The following EPHA3 variants were observed in gnomAD, a reference collection of about 807,000 sequenced individuals.
EPHA3 encodes the protein EPH receptor A3, also known as ephrin type-A receptor 3.
EPHA3 carries 42 observed loss-of-function variants against 107.1 expected under a neutral mutation model. The observed-to-expected ratio is 0.39, with a 90% CI of 0.31 to 0.51. The LOEUF (loss-of-function observed/expected upper bound fraction) is 0.51, where lower values mean the gene tolerates loss of function less well. Ranked by LOEUF, EPHA3 falls within the 20% of genes least tolerant of loss-of-function variation. EPHA3 has a pLI of 0.78. For synonymous variants in EPHA3, 461 were observed against 424.8 expected (o/e 1.09, Z -1.05); for missense variants, 1,183 against 1,211.2 (o/e 0.98, Z 0.35).
intron 1 of EPHA3, among the ~76,000 whole-genome samples, chr3:89,111,897 T>C (rs1329683944): frequency 6.6e-6 from 1 of 152,146 alleles, no homozygotes; most frequent in Non-Finnish European, 1.5e-5. Context: ...CTCTTTTAGA[T>C]ATTACATCTT....
intron 5 of EPHA3, among the ~76,000 whole-genome samples, chr3:89,386,971 G>A (rs901518658): frequency 9.2e-5 from 14 of 152,128 alleles, no homozygotes; most frequent in African/African-American, 3.1e-4. Flanking sequence ...GCCAATGGCC[G>A]TACCCTCATC....
At chr3:89,119,549 CGT>C (rs1707332383) in intron 1 of EPHA3, among the ~76,000 whole-genome samples, 1 of 151,926 alleles carries the variant, frequency 6.6e-6, no homozygotes. Context: ...AGAGTTTGTT[CGT>C]GTGTGTGTGC....
At chr3:89,221,027 T>C (rs1270635043) in intron 3 of EPHA3, among the ~76,000 whole-genome samples, 1 of 152,168 alleles carries the variant, frequency 6.6e-6, no homozygotes, top group African/African-American at 2.4e-5. Context: ...AGGTCACAAT[T>C]AGTAAGTGGT....
At chr3:89,136,329 G>GTTTTTTTTTTTTTTTTTTTTTTTTTT (rs1559747476) in intron 2 of EPHA3, among the ~76,000 whole-genome samples, 2 of 23,866 alleles carry the variant, frequency 8.4e-5, no homozygotes, top group Non-Finnish European at 8.6e-5. Context: ...AATCTTACAG[G>GTTTTTTTTTTTTTTTTTTTTTTTTTT]CTTTTTTTTT....
chr3:89,272,788 T>C lies in EPHA3; in HGVS notation c.814+62268T>C, dbSNP rs565964428. Among the ~76,000 whole-genome samples the C allele has an allele frequency of 3.3e-5, 5 of 152,008 alleles. No individual in the cohort carries two copies. The South Asian group carries it at 1.0e-3, about 31-fold the overall frequency. The stretch of plus-strand genomic sequence containing the variant: ...AAGTAACTATGGAACACATGGAAAG[T>C]TGGAATATTATTGGGATAATGAAAG... On this transcript the variant is annotated intron_variant, in intron 3 of 16. Transcript: ENST00000336596.
chr3:89,175,647 T>G (rs530611911), intron 2 of EPHA3, among the ~76,000 whole-genome samples: 1 of 152,204 alleles, frequency 6.6e-6, no homozygotes, highest in Non-Finnish European at 1.5e-5. Flanking sequence ...GTTCAAAAAC[T>G]AATATTATTA....
intron 5 of EPHA3, among the ~76,000 whole-genome samples, chr3:89,390,752 A>G (rs527656107): frequency 3.0e-4 from 46 of 151,212 alleles, no homozygotes; most frequent in African/African-American, 1.1e-3. Context: ...GTTTCCAGAA[A>G]GTTATGTCTT....
intron 9 of EPHA3, among the ~76,000 whole-genome samples, chr3:89,409,041 G>T (rs936969445): frequency 3.3e-5 from 5 of 152,022 alleles, no homozygotes; most frequent in African/African-American, 1.2e-4. Context: ...TTGACTACCT[G>T]TTGCTAACCT....
intron 4 of EPHA3, 126 bp downstream of exon 4, chr3:89,341,197 C>A: frequency 1.0e-6 from 1 of 958,434 alleles, no homozygotes; most frequent in Non-Finnish European, 1.5e-6. Flanking sequence ...AAATTGAAAG[C>A]TTTCTCTGCT....
intron 3 of EPHA3, among the ~76,000 whole-genome samples, chr3:89,253,084 G>C (rs1371229241): frequency 1.3e-5 from 2 of 151,902 alleles, no homozygotes; most frequent in Non-Finnish European, 2.9e-5. Flanking sequence ...GAGGTGAAAC[G>C]CTGGTTAAAA....
chr3:89,267,002 GTCTAATGTTT>G (rs1176157701), intron 3 of EPHA3, among the ~76,000 whole-genome samples: 1 of 152,050 alleles, frequency 6.6e-6, no homozygotes, highest in Non-Finnish European at 1.5e-5. Flanking sequence ...AAATGAAATT[GTCTAATGTTT>G]TCTACCACTT....
intron 2 of EPHA3, among the ~76,000 whole-genome samples, chr3:89,128,551 A>G (rs1437937595): frequency 6.6e-6 from 1 of 152,058 alleles, no homozygotes; most frequent in African/African-American, 2.4e-5. Flanking sequence ...TAAATTTTTC[A>G]TGACTCCTTC....
At chr3:89,426,917 ATCTAGAATCAAACAGTC>A (rs1311229748) in intron 11 of EPHA3, among the ~76,000 whole-genome samples, 1 of 151,894 alleles carries the variant, frequency 6.6e-6, no homozygotes, top group Non-Finnish European at 1.5e-5. Context: ...CAGGCCAGGC[ATCTAGAATCAAACAGTC>A]TCTAGGGAAC....
At chr3:89,145,762 A>AT (rs549337404) in intron 2 of EPHA3, among the ~76,000 whole-genome samples, 42 of 150,908 alleles carry the variant, frequency 2.8e-4, no homozygotes, top group South Asian at 1.9e-3. Flanking sequence ...TTCCTGAGGA[A>AT]TTTTTTTTTC....
chr3:89,276,094 T>A (rs1267216845), intron 3 of EPHA3, among the ~76,000 whole-genome samples: 4 of 152,044 alleles, frequency 2.6e-5, no homozygotes, highest in Non-Finnish European at 5.9e-5. Flanking sequence ...CTTGCATTTT[T>A]AAAATAGATG....
intron 10 of EPHA3, among the ~76,000 whole-genome samples, chr3:89,415,175 C>A (rs1175462150): frequency 6.6e-6 from 1 of 151,182 alleles, no homozygotes; most frequent in Non-Finnish European, 1.5e-5. Flanking sequence ...ATTTGTTAAA[C>A]ATTTTGTTTT....
intron 5 of EPHA3, among the ~76,000 whole-genome samples, chr3:89,351,513 G>A (rs529056036): frequency 0.039 from 5,786 of 150,256 alleles, 386 homozygotes; most frequent in African/African-American, 0.13. Flanking sequence ...TGCGCCCACT[G>A]TCTGGCACTC....
chr3:89,454,990 C>T (rs1342409723), intron 15 of EPHA3, among the ~76,000 whole-genome samples: 2 of 151,766 alleles, frequency 1.3e-5, no homozygotes, highest in East Asian at 3.9e-4. Flanking sequence ...AAGACACTGT[C>T]TCTTGAAAAA....
At chr3:89,273,968 T>TA (rs796417894) in intron 3 of EPHA3, among the ~76,000 whole-genome samples, 33 of 152,090 alleles carry the variant, frequency 2.2e-4, no homozygotes, top group African/African-American at 7.7e-4. Flanking sequence ...AATGAGGCAC[T>TA]AAATAGACAG....
Sources: gnomAD v4.1 joint callset for allele counts (sites outside exome capture counted in the v4.1 genomes callset) on GRCh38, gnomAD v4.1.1 for gene constraint, MANE v1.5 for transcripts, NCBI Gene and HGNC (gene_info 2026-07-23, HGNC 2026-07-21) for gene names.